Variants in TSHZ2 observed in about 807,000 individuals in gnomAD.
The protein encoded by TSHZ2 is teashirt homolog 2.
Under a neutral mutation model 74.4 loss-of-function variants are expected in TSHZ2, and 21 were observed. That is an observed-to-expected ratio of 0.28 (90% confidence interval 0.20 to 0.41). The LOEUF is 0.41. Among genes scored for constraint, TSHZ2 ranks in the 10% least tolerant of loss-of-function variants. TSHZ2 has a pLI of 1.00. For missense variants in TSHZ2, 1,244 were observed against 1,293.5 expected (o/e 0.96, Z 0.59); for synonymous variants, 540 against 515.3 (o/e 1.05, Z -0.65).
Position 53,254,624 on chromosome 20 carries a change from A to G in TSHZ2, c.1166A>G (p.His389Arg). The G allele has an allele frequency of 6.2e-7, 1 of 1,613,732 alleles. No individual in the cohort carries two copies. Among genetic ancestry groups the G allele is most frequent in the Non-Finnish European group, 8.5e-7 (1 of 1,179,666 alleles). Residue 389 changes from histidine (H) to arginine (R), a missense_variant, in exon 2 of 3, where the codon CAT becomes CGT. Coordinates refer to ENST00000371497, the MANE Select transcript of TSHZ2 (RefSeq NM_173485.6). ...AAGTGCATGGAGTGTGGGAGCTCCC[A>G]TGACACCTTGCAGCAGCTCACCACC... ...ILKCMECGSS[H>R]DTLQQLTTHM...
intron 1 of TSHZ2, among the ~76,000 whole-genome samples, chr20:53,134,798 C>T (rs148711898): frequency 6.6e-5 from 10 of 152,040 alleles, no homozygotes; most frequent in Admixed American, 2.0e-4. Flanking sequence ...ATGTACTGAC[C>T]CTTTCACTGT....
At chr20:53,284,625 T>A (rs1433489340) in intron 2 of TSHZ2, among the ~76,000 whole-genome samples, 2 of 152,208 alleles carry the variant, frequency 1.3e-5, no homozygotes, top group Admixed American at 1.3e-4. Context: ...CCGAAGTAAG[T>A]GTTTTGTGTT....
At chr20:52,978,315 G>A (rs1199681972) in intron 1 of TSHZ2, among the ~76,000 whole-genome samples, 3 of 152,128 alleles carry the variant, frequency 2.0e-5, no homozygotes, top group Non-Finnish European at 4.4e-5. Flanking sequence ...AGCTTATCAA[G>A]TCAACCAAGA....
At chr20:53,108,028 A>G (rs1289706390) in intron 1 of TSHZ2, among the ~76,000 whole-genome samples, 1 of 152,222 alleles carries the variant, frequency 6.6e-6, no homozygotes, top group Admixed American at 6.5e-5. Context: ...ATTTTTCTAA[A>G]CATAATCTCT....
chr20:53,112,463 C>T (rs562859403), intron 1 of TSHZ2, among the ~76,000 whole-genome samples: 1 of 152,298 alleles, frequency 6.6e-6, no homozygotes, highest in South Asian at 2.1e-4. Context: ...TCTATCCTTC[C>T]TTCCAATTAC....
intron 2 of TSHZ2, among the ~76,000 whole-genome samples, chr20:53,376,976 T>C (rs973915124): frequency 3.9e-5 from 6 of 152,216 alleles, no homozygotes; most frequent in Non-Finnish European, 8.8e-5. Context: ...ATGGGAGGAA[T>C]AGCAAAAATC....
chr20:53,133,083 T>C (rs1182040666), intron 1 of TSHZ2, among the ~76,000 whole-genome samples: 1 of 152,214 alleles, frequency 6.6e-6, no homozygotes, highest in Non-Finnish European at 1.5e-5. Context: ...TTCCTGACCT[T>C]CTTTTTCCCT....
chr20:53,454,414 T>G (rs1984961873), intron 2 of TSHZ2, among the ~76,000 whole-genome samples: 1 of 151,620 alleles, frequency 6.6e-6, no homozygotes. Flanking sequence ...ATACAAAAAT[T>G]AGCCGGGCAT....
chr20:53,313,129 T>A (rs1978859260), intron 2 of TSHZ2, among the ~76,000 whole-genome samples: 1 of 152,252 alleles, frequency 6.6e-6, no homozygotes. Flanking sequence ...AAAGCTCATT[T>A]TTCATTTAGC....
chr20:53,231,644 C>A (rs531988138), intron 1 of TSHZ2, among the ~76,000 whole-genome samples: 1 of 152,256 alleles, frequency 6.6e-6, no homozygotes, highest in African/African-American at 2.4e-5. Context: ...TACTACGTGC[C>A]TGGAAGTGCC....
intron 2 of TSHZ2, among the ~76,000 whole-genome samples, chr20:53,378,341 A>AAATAAT (rs11474507): frequency 0.044 from 6,230 of 142,460 alleles, 172 homozygotes; most frequent in South Asian, 0.078. Context: ...CTTTGTATCA[A>AAATAAT]AATAATAATA....
rs544193424 is a variant in TSHZ2, at chr20:53,190,086, AATATATATATATATATATATATATATAT to A, written c.41-63388_41-63361del. Among the ~76,000 whole-genome samples the A allele has an allele frequency of 5.8e-3, 145 of 25,106 alleles. 7 individuals are homozygous for A. Among genetic ancestry groups the A allele is most frequent in the Middle Eastern group, 0.031 (1 of 32 alleles). 16.5% of individuals were successfully genotyped at this position (25,106 alleles called of 152,430 possible). ...GGTGACCAAACAAGACCCTGTCTCAAATATATATATATATATATATATATATATATATATATATATATATATATATATT... is the reference window on the plus strand; with the variant it reads ...GGTGACCAAACAAGACCCTGTCTCAAATATATATATATATATATATATATT... On this transcript the variant is annotated intron_variant, in intron 1 of 2. Transcript: ENST00000371497.
At chr20:53,367,360 G>A (rs71356180) in intron 2 of TSHZ2, among the ~76,000 whole-genome samples, 2 of 151,576 alleles carry the variant, frequency 1.3e-5, no homozygotes, top group African/African-American at 4.8e-5. Context: ...GCCGAGATCA[G>A]GCCACTGCAC....
chr20:53,077,835 C>G (rs528413967), intron 1 of TSHZ2, among the ~76,000 whole-genome samples: 71 of 152,356 alleles, frequency 4.7e-4, no homozygotes, highest in African/African-American at 1.7e-3. Flanking sequence ...CTGATAGTCA[C>G]TTGCAAAGAT....
intron 2 of TSHZ2, among the ~76,000 whole-genome samples, chr20:53,302,405 A>G (rs1039139861): frequency 3.9e-5 from 6 of 152,190 alleles, no homozygotes; most frequent in African/African-American, 1.4e-4. Flanking sequence ...GAACCTTGTT[A>G]GTGAATAATT....
chr20:53,402,970 G>C (rs1982721986), intron 2 of TSHZ2, among the ~76,000 whole-genome samples: 1 of 152,072 alleles, frequency 6.6e-6, no homozygotes, highest in African/African-American at 2.4e-5. Context: ...AGATACACGG[G>C]GTACATGTGT....
chr20:53,429,637 C>T (rs1983768974), intron 2 of TSHZ2, among the ~76,000 whole-genome samples: 1 of 152,148 alleles, frequency 6.6e-6, no homozygotes, highest in African/African-American at 2.4e-5. Flanking sequence ...TGCCCAGTCT[C>T]AGGTATGTCT....
At chr20:53,140,892 A>G (rs1351278220) in intron 1 of TSHZ2, among the ~76,000 whole-genome samples, 1 of 152,180 alleles carries the variant, frequency 6.6e-6, no homozygotes, top group African/African-American at 2.4e-5. Context: ...CAGGTACTCC[A>G]GGGTCTTTCC....
chr20:53,086,267 G>A (rs1015080354), intron 1 of TSHZ2, among the ~76,000 whole-genome samples: 78 of 152,348 alleles, frequency 5.1e-4, no homozygotes, highest in South Asian at 1.0e-3. Context: ...GTGGGATGTC[G>A]GAGAGGGTAG....
Sources: allele counts gnomAD v4.1 joint callset (sites outside exome capture counted in the v4.1 genomes callset), GRCh38; gene constraint gnomAD v4.1.1; transcripts MANE v1.5; gene names NCBI Gene and HGNC (gene_info 2026-07-23, HGNC 2026-07-21).